Variants in C3orf33 observed in about 807,000 individuals in gnomAD.
C3orf33 encodes mitochondrial inner membrane subdomain organizer 1.
Under a neutral mutation model 28.7 loss-of-function variants are expected in C3orf33, and 23 were observed. The observed-to-expected ratio is 0.80, with a 90% CI of 0.58 to 1.13. C3orf33 has a LOEUF of 1.13. C3orf33 is among the 50% of genes most tolerant of loss of function. C3orf33 has a pLI of 0.00. For missense variants in C3orf33, 327 were observed against 353.4 expected (o/e 0.93, Z 0.60); for synonymous variants, 119 against 120.5 (o/e 0.99, Z 0.08).
At chr3:155,776,506 A>G (rs1750752535) in intron 2 of C3orf33, among the ~76,000 whole-genome samples, 1 of 152,158 alleles carries the variant, frequency 6.6e-6, no homozygotes, top group Non-Finnish European at 1.5e-5. Context: ...AGGAAAAGCC[A>G]GGCACGATGG....
At chr3:155,785,525 G>T (rs1267227443) in intron 2 of C3orf33, among the ~76,000 whole-genome samples, 1 of 152,076 alleles carries the variant, frequency 6.6e-6, no homozygotes, top group Non-Finnish European at 1.5e-5. Context: ...AACACAACAG[G>T]ATGAAGTTAT....
At chr3:155,800,636 A>AAAAAAAAAAAAAAG (rs1339399351) in intron 2 of C3orf33, among the ~76,000 whole-genome samples, 1 of 148,272 alleles carries the variant, frequency 6.7e-6, no homozygotes, top group Non-Finnish European at 1.5e-5. Flanking sequence ...AAAAAAAAAA[A>AAAAAAAAAAAAAAG]AAAAAGGCAA....
intron 3 of C3orf33, among the ~76,000 whole-genome samples, chr3:155,771,656 CAA>C (rs980718600): frequency 6.6e-6 from 1 of 152,188 alleles, no homozygotes; most frequent in African/African-American, 2.4e-5. Flanking sequence ...TACAGCCTCT[CAA>C]AGTGTTGGAA....
At chr3:155,779,929 G>T (rs1488926497) in intron 2 of C3orf33, among the ~76,000 whole-genome samples, 3 of 152,170 alleles carry the variant, frequency 2.0e-5, no homozygotes, top group African/African-American at 7.2e-5. Flanking sequence ...GTGTATGTGA[G>T]AAAGATTCCA....
In C3orf33 at chr3:155,763,418, A is replaced by G. The variant is rs953620548; in HGVS notation, c.*99T>C. 8 of 827,140 alleles carry G rather than the reference A, an allele frequency of 9.7e-6. No individual in the cohort carries two copies. The African/African-American group carries it at 1.4e-4, about 15-fold the overall frequency. The allele number at this position is 827,140 out of a possible 1,614,324, so 51.2% of individuals were successfully genotyped here. ...TAAATACCATTGGACTAACACTTTG[A>G]TCATTTGGCAAAACTTCCATTTTGA... On this transcript the variant is annotated 3_prime_UTR_variant, in exon 5 of 5. Transcript: ENST00000340171.
intron 4 of C3orf33, among the ~76,000 whole-genome samples, chr3:155,765,458 C>A (rs748887288): frequency 6.6e-6 from 1 of 152,134 alleles, no homozygotes; most frequent in Non-Finnish European, 1.5e-5. Flanking sequence ...GGTAATTATA[C>A]TCTTTAACTT....
At chr3:155,795,623 A>G (rs967378148) in intron 2 of C3orf33, among the ~76,000 whole-genome samples, 11 of 152,168 alleles carry the variant, frequency 7.2e-5, no homozygotes, top group Admixed American at 2.6e-4. Flanking sequence ...CTGAGTCAAC[A>G]AAAAGATTAA....
intron 1 of C3orf33, among the ~76,000 whole-genome samples, chr3:155,803,898 C>T (rs866579663): frequency 9.0e-4 from 129 of 142,970 alleles, no homozygotes; most frequent in African/African-American, 2.9e-3. Context: ...AAAAAGAGGC[C>T]GGCGCAGTGG....
intron 2 of C3orf33, among the ~76,000 whole-genome samples, chr3:155,800,821 GA>G (rs1751626656): frequency 6.6e-6 from 1 of 151,852 alleles, no homozygotes; most frequent in Non-Finnish European, 1.5e-5. Context: ...ATAACCACAT[GA>G]AAAGATGCTC....
intron 3 of C3orf33, among the ~76,000 whole-genome samples, chr3:155,773,778 G>T (rs368633087): frequency 3.0e-4 from 45 of 152,252 alleles, no homozygotes; most frequent in African/African-American, 1.1e-3. Flanking sequence ...AAGCTCTAAC[G>T]AGTCATTACT....
intron 1 of C3orf33, among the ~76,000 whole-genome samples, chr3:155,803,872 ACT>A (rs1751737082): frequency 7.2e-6 from 1 of 139,746 alleles, no homozygotes; most frequent in African/African-American, 2.7e-5. Flanking sequence ...ACAGAGTGAG[ACT>A]CTGTCTCAAA....
At chr3:155,775,063 C>T (rs1750699604) in intron 3 of C3orf33, among the ~76,000 whole-genome samples, 1 of 152,150 alleles carries the variant, frequency 6.6e-6, no homozygotes, top group Non-Finnish European at 1.5e-5. Flanking sequence ...GTCTATCTCG[C>T]ACCTAGACTA....
chr3:155,777,765 G>C (rs73021524), intron 2 of C3orf33, among the ~76,000 whole-genome samples: 3,911 of 152,134 alleles, frequency 0.026, 191 homozygotes, highest in African/African-American at 0.089. Context: ...ATCTCACAAG[G>C]CAAGAAACAA....
chr3:155,778,503 G>A (rs1003679256), intron 2 of C3orf33, among the ~76,000 whole-genome samples: 5 of 152,182 alleles, frequency 3.3e-5, no homozygotes, highest in Admixed American at 6.6e-5. Flanking sequence ...TTAACAACTG[G>A]TGAATCTAGG....
At chr3:155,805,590 ACG>A in intron 1 of C3orf33, 1 of 18,464 alleles carries the variant, frequency 5.4e-5, no homozygotes, top group Non-Finnish European at 1.0e-4. Flanking sequence ...GGGGTAGCGC[ACG>A]CAACCTGTGG....
chr3:155,778,974 A>C (rs1419086051), intron 2 of C3orf33, among the ~76,000 whole-genome samples: 1 of 152,222 alleles, frequency 6.6e-6, no homozygotes, highest in Non-Finnish European at 1.5e-5. Context: ...TGACAACCAG[A>C]ATAATGAACT....
chr3:155,796,766 C>A (rs1038647013), intron 2 of C3orf33, among the ~76,000 whole-genome samples: 1 of 152,152 alleles, frequency 6.6e-6, no homozygotes, highest in African/African-American at 2.4e-5. Flanking sequence ...ATGCAAAAAT[C>A]CTCAAAGAAA....
At chr3:155,802,446 G>A in intron 2 of C3orf33, 86 bp downstream of exon 2, 1 of 957,414 alleles carries the variant, frequency 1.0e-6, no homozygotes, top group South Asian at 1.4e-5. Context: ...GTAACAATAT[G>A]ATACACTGTT....
chr3:155,786,000 A>G (rs545927036), intron 2 of C3orf33, among the ~76,000 whole-genome samples: 1 of 151,992 alleles, frequency 6.6e-6, no homozygotes, highest in Non-Finnish European at 1.5e-5. Flanking sequence ...TGGTAGTGCC[A>G]CTGCACTCCA....
Sources: gnomAD v4.1 joint callset for allele counts (sites outside exome capture counted in the v4.1 genomes callset) on GRCh38, gnomAD v4.1.1 for gene constraint, MANE v1.5 for transcripts, NCBI Gene and HGNC (gene_info 2026-07-23, HGNC 2026-07-21) for gene names.